The following CSMD1 variants were observed in gnomAD, a reference collection of about 807,000 sequenced individuals.
The protein encoded by CSMD1 is CUB and Sushi multiple domains 1.
CSMD1 carries 213 observed loss-of-function variants against 417.5 expected under a neutral mutation model. That is an observed-to-expected ratio of 0.51 (90% CI 0.46 to 0.57). CSMD1 has a LOEUF of 0.57. Among genes scored for constraint, CSMD1 ranks in the 20% least tolerant of loss-of-function variants. The probability of loss-of-function intolerance (pLI) is 0.00; values close to 1 mark genes in which losing one functional copy is unlikely to be tolerated. For synonymous variants in CSMD1, 2,862 were observed against 1,736.8 expected, an observed-to-expected ratio of 1.65 and a Z score of -16.11; for missense variants, 6,923 against 4,529.7, an observed-to-expected ratio of 1.53 and a Z score of -15.17.
At chr8:4,110,742 A>G (rs946009960) in intron 3 of CSMD1, among the ~76,000 whole-genome samples, 5 of 152,070 alleles carry the variant, frequency 3.3e-5, no homozygotes, top group African/African-American at 9.7e-5. Context: ...TCAACCATCC[A>G]GAGGTTCATG....
Position 4,036,262 on chromosome 8 carries a change from T to C in CSMD1, c.416-4163A>G, listed in dbSNP as rs183874873. On this transcript the variant is annotated intron_variant, in intron 3 of 69. Coordinates refer to ENST00000635120, the MANE Select transcript of CSMD1 (RefSeq NM_033225.6). ...TTGTTAAGTCATGCATGACTGCATG[T>C]AACATATCTCAAGATGCTGTTGTTA... 4.0e-3 allele frequency among the ~76,000 whole-genome samples: 609 copies of C among 152,332 alleles called. 4 individuals are homozygous for C. Among genetic ancestry groups the C allele is most frequent in the Middle Eastern group, 0.01 (3 of 294 alleles).
intron 3 of CSMD1, among the ~76,000 whole-genome samples, chr8:4,228,341 C>T (rs1801491541): frequency 6.6e-6 from 1 of 152,128 alleles, no homozygotes; most frequent in Admixed American, 6.6e-5. Context: ...TCTAATTCCT[C>T]CCTCCCATTT....
At chr8:4,704,235 A>G (rs1416985005) in intron 1 of CSMD1, among the ~76,000 whole-genome samples, 1 of 152,206 alleles carries the variant, frequency 6.6e-6, no homozygotes, top group Non-Finnish European at 1.5e-5. Flanking sequence ...AGTCATTTGC[A>G]TTTGTAATCC....
At chr8:3,924,068 C>A (rs569230443) in intron 5 of CSMD1, among the ~76,000 whole-genome samples, 1 of 152,270 alleles carries the variant, frequency 6.6e-6, no homozygotes, top group South Asian at 2.1e-4. Flanking sequence ...GCGTTTCTTG[C>A]AGGGTATATC....
chr8:3,155,499 C>CT (rs1446037545), intron 39 of CSMD1, among the ~76,000 whole-genome samples: 2 of 151,222 alleles, frequency 1.3e-5, no homozygotes, highest in African/African-American at 4.9e-5. Context: ...TCCCGAGTAG[C>CT]TGAGACTACA....
At chr8:4,731,260 CT>C (rs1263187514) in intron 1 of CSMD1, among the ~76,000 whole-genome samples, 1 of 152,192 alleles carries the variant, frequency 6.6e-6, no homozygotes, top group East Asian at 1.9e-4. Flanking sequence ...CCTCAACCTG[CT>C]TTTGTCTTGG....
chr8:4,151,307 G>A (rs188187195), intron 3 of CSMD1, among the ~76,000 whole-genome samples: 315 of 152,272 alleles, frequency 2.1e-3, no homozygotes, highest in Middle Eastern at 6.8e-3. Flanking sequence ...CCTTGTTATA[G>A]ATCCTAAGAT....
At chr8:4,992,116 G>C (rs1471669083) in intron 1 of CSMD1, among the ~76,000 whole-genome samples, 3 of 152,088 alleles carry the variant, frequency 2.0e-5, no homozygotes, top group Non-Finnish European at 4.4e-5. Context: ...TCTCTTCCAC[G>C]GGGCTGCCCC....
At chr8:4,395,056 G>T (rs572191880) in intron 3 of CSMD1, among the ~76,000 whole-genome samples, 1 of 152,124 alleles carries the variant, frequency 6.6e-6, no homozygotes, top group South Asian at 2.1e-4. Flanking sequence ...TCCCGTGCTG[G>T]ACAGCTCCAG....
intron 4 of CSMD1, among the ~76,000 whole-genome samples, chr8:4,014,258 T>G (rs1381743806): frequency 1.3e-5 from 2 of 152,134 alleles, no homozygotes; most frequent in African/African-American, 2.4e-5. Flanking sequence ...ACAAACACAG[T>G]GCTATATGTA....
At chr8:3,185,336 G>A (rs1242930870) in intron 36 of CSMD1, among the ~76,000 whole-genome samples, 1 of 152,168 alleles carries the variant, frequency 6.6e-6, no homozygotes, top group East Asian at 1.9e-4. Context: ...TATTTTTCAT[G>A]CATACAGAGG....
intron 5 of CSMD1, among the ~76,000 whole-genome samples, chr8:3,827,660 T>C (rs750905076): frequency 6.6e-6 from 1 of 152,240 alleles, no homozygotes; most frequent in Non-Finnish European, 1.5e-5. Flanking sequence ...AACATGATTT[T>C]TGAAAGTCAG....
At chr8:4,346,938 T>G (rs1191833498) in intron 3 of CSMD1, among the ~76,000 whole-genome samples, 2 of 152,164 alleles carry the variant, frequency 1.3e-5, no homozygotes. Flanking sequence ...AATTTGAAAG[T>G]GAGTTTAGTT....
At chr8:3,217,131 C>G (rs1313002086) in intron 29 of CSMD1, among the ~76,000 whole-genome samples, 1 of 151,952 alleles carries the variant, frequency 6.6e-6, no homozygotes, top group East Asian at 1.9e-4. Context: ...CATCACTGCT[C>G]CAGGCTGGAA....
At chr8:4,013,858 G>A (rs1229614958) in intron 4 of CSMD1, among the ~76,000 whole-genome samples, 1 of 152,166 alleles carries the variant, frequency 6.6e-6, no homozygotes, top group Non-Finnish European at 1.5e-5. Context: ...ACAGACAAGG[G>A]TAGCTAAAAC....
intron 26 of CSMD1, among the ~76,000 whole-genome samples, chr8:3,280,957 G>C (rs1584921805): frequency 2.0e-5 from 3 of 152,288 alleles, no homozygotes; most frequent in East Asian, 3.9e-4. Flanking sequence ...TGTTAAAACA[G>C]GAAGATTTTA....
intron 3 of CSMD1, among the ~76,000 whole-genome samples, chr8:4,318,998 T>C (rs762347367): frequency 6.6e-6 from 1 of 152,196 alleles, no homozygotes; most frequent in African/African-American, 2.4e-5. Flanking sequence ...TTAAACAGCT[T>C]GAGGCCTTAA....
rs1814814124 is a variant in CSMD1, at chr8:3,089,881, G to T, written c.7285+1635C>A. On this transcript the variant is annotated intron_variant, in intron 48 of 69. Coordinates refer to ENST00000635120, the MANE Select transcript of CSMD1 (RefSeq NM_033225.6). Reference sequence around the variant, plus strand: ...CCTTTTGAAAGACGTAGAAATCATTGTTCTCACAATTGAGGATATAATCAT... The same window carrying T: ...CCTTTTGAAAGACGTAGAAATCATTTTTCTCACAATTGAGGATATAATCAT... Among the ~76,000 whole-genome samples, 2 of 152,090 alleles carry T rather than the reference G, an allele frequency of 1.3e-5. 1 individual carries two copies. The highest frequency in any genetic ancestry group is 4.1e-4 in the South Asian group (2 of 4,828).
At chr8:4,920,765 C>G (rs897932589) in intron 1 of CSMD1, among the ~76,000 whole-genome samples, 2 of 151,090 alleles carry the variant, frequency 1.3e-5, no homozygotes, top group East Asian at 2.0e-4. Context: ...AGAGGTTGCA[C>G]CAAGCCAAGA....
Sources: gnomAD v4.1 joint callset for allele counts (sites outside exome capture counted in the v4.1 genomes callset) on GRCh38, gnomAD v4.1.1 for gene constraint, MANE v1.5 for transcripts, NCBI Gene and HGNC (gene_info 2026-07-23, HGNC 2026-07-21) for gene names.